Variants in RNGTT observed in about 807,000 individuals in gnomAD.
RNGTT encodes the protein mRNA-capping enzyme.
RNGTT carries 33 observed loss-of-function variants against 79.3 expected under a neutral mutation model. The observed-to-expected ratio is 0.42, with a 90% CI of 0.32 to 0.56. RNGTT has a LOEUF of 0.56. RNGTT is among the 20% of genes least tolerant of loss of function. RNGTT has a pLI of 0.17. For synonymous variants in RNGTT, 222 were observed against 235.9 expected (o/e 0.94, Z 0.54); for missense variants, 497 against 739.1 (o/e 0.67, Z 3.80).
At chr6:88,883,681 C>T (rs574654803) in intron 8 of RNGTT, among the ~76,000 whole-genome samples, 1 of 151,854 alleles carries the variant, frequency 6.6e-6, no homozygotes, top group Non-Finnish European at 1.5e-5. Flanking sequence ...AAAATCAAAC[C>T]ATACAAATAT....
intron 14 of RNGTT, among the ~76,000 whole-genome samples, chr6:88,638,276 T>C (rs1773174622): frequency 6.6e-6 from 1 of 152,204 alleles, no homozygotes; most frequent in Non-Finnish European, 1.5e-5. Flanking sequence ...GGAAATCTCT[T>C]GTATTTATAG....
At chr6:88,860,658 A>T (rs568597536) in intron 8 of RNGTT, among the ~76,000 whole-genome samples, 1 of 152,236 alleles carries the variant, frequency 6.6e-6, no homozygotes, top group East Asian at 1.9e-4. Context: ...TGCATAAATT[A>T]GCCAAAGTTG....
intron 12 of RNGTT, among the ~76,000 whole-genome samples, chr6:88,787,664 A>G (rs1208535200): frequency 7.1e-6 from 1 of 141,804 alleles, no homozygotes; most frequent in Non-Finnish European, 1.5e-5. Flanking sequence ...CATTTCAAAA[A>G]CAAAAAAAAA....
intron 14 of RNGTT, among the ~76,000 whole-genome samples, chr6:88,632,536 GACACACAGAC>G (rs1158503729): frequency 0.037 from 3,636 of 98,348 alleles, 130 homozygotes; most frequent in African/African-American, 0.1. Context: ...CAGACACACA[GACACACAGAC>G]ACACACACAC....
At chr6:88,743,780 G>A (rs1716763572) in intron 13 of RNGTT, among the ~76,000 whole-genome samples, 1 of 151,994 alleles carries the variant, frequency 6.6e-6, no homozygotes, top group South Asian at 2.1e-4. Context: ...TAAACATGAG[G>A]GTATAAATCT....
chr6:88,661,694 C>T (rs1774192400), intron 14 of RNGTT, among the ~76,000 whole-genome samples: 1 of 151,986 alleles, frequency 6.6e-6, no homozygotes, highest in Non-Finnish European at 1.5e-5. Flanking sequence ...AAATTGCCAA[C>T]AAAAAAAGTC....
intron 8 of RNGTT, among the ~76,000 whole-genome samples, chr6:88,865,447 A>G (rs1001143630): frequency 3.9e-5 from 6 of 152,150 alleles, no homozygotes; most frequent in African/African-American, 1.2e-4. Flanking sequence ...AGAGAAAGAG[A>G]TAAGTGAACA....
chr6:88,673,966 T>C (rs972345387), intron 14 of RNGTT, among the ~76,000 whole-genome samples: 1 of 152,242 alleles, frequency 6.6e-6, no homozygotes. Flanking sequence ...TGAAACCTAT[T>C]AGGATTCCTG....
chr6:88,793,549 A>G (rs1779490934), intron 12 of RNGTT, among the ~76,000 whole-genome samples: 1 of 152,224 alleles, frequency 6.6e-6, no homozygotes, highest in Non-Finnish European at 1.5e-5. Flanking sequence ...TAAAAGATAT[A>G]AAAGTGAAAA....
intron 4 of RNGTT, among the ~76,000 whole-genome samples, chr6:88,922,269 G>C (rs2127950680): frequency 1.3e-5 from 2 of 151,760 alleles, no homozygotes; most frequent in South Asian, 4.2e-4. Context: ...ATATTTATGG[G>C]GTAGAGTGTG....
chr6:88,677,311 A>G (rs995862945), intron 14 of RNGTT, among the ~76,000 whole-genome samples: 31 of 149,774 alleles, frequency 2.1e-4, no homozygotes, highest in Non-Finnish European at 8.9e-5. Context: ...AAGGAAGGGC[A>G]GGAGGGGGAA....
intron 4 of RNGTT, among the ~76,000 whole-genome samples, chr6:88,921,713 A>C (rs1784170461): frequency 6.6e-6 from 1 of 151,964 alleles, no homozygotes; most frequent in Non-Finnish European, 1.5e-5. Context: ...ATTTTTTTTC[A>C]TCCTCCACCC....
chr6:88,959,320 C>G (rs759292937), intron 1 of RNGTT, among the ~76,000 whole-genome samples: 11 of 152,078 alleles, frequency 7.2e-5, no homozygotes, highest in Non-Finnish European at 1.2e-4. Context: ...TCCATGTAAC[C>G]AAAAACCACC....
intron 13 of RNGTT, among the ~76,000 whole-genome samples, chr6:88,768,522 C>A (rs933234578): frequency 1.3e-5 from 2 of 152,166 alleles, no homozygotes; most frequent in Non-Finnish European, 2.9e-5. Context: ...TTTGATAATG[C>A]ATAGTTTCTT....
intron 1 of RNGTT, among the ~76,000 whole-genome samples, chr6:88,961,594 G>A (rs780841049): frequency 1.1e-4 from 16 of 152,110 alleles, no homozygotes; most frequent in East Asian, 1.9e-4. Context: ...ATACCACCAC[G>A]CCATCATAGC....
At chr6:88,724,623 C>T (rs961608078) in intron 13 of RNGTT, among the ~76,000 whole-genome samples, 3 of 152,146 alleles carry the variant, frequency 2.0e-5, no homozygotes, top group African/African-American at 7.2e-5. Context: ...GAGCACATGA[C>T]CTAGATCCCT....
intron 12 of RNGTT, among the ~76,000 whole-genome samples, chr6:88,792,735 C>T (rs1247035781): frequency 1.3e-5 from 2 of 152,020 alleles, no homozygotes. Flanking sequence ...GTGGCCTAAA[C>T]TGAGGATAAA....
At chr6:88,758,593 G>A (rs1349378484) in intron 13 of RNGTT, among the ~76,000 whole-genome samples, 1 of 152,122 alleles carries the variant, frequency 6.6e-6, no homozygotes, top group Non-Finnish European at 1.5e-5. Context: ...TTTGTTTAAT[G>A]CTTCCTCATT....
intron 10 of RNGTT, 68 bp from the exon 11 acceptor site, chr6:88,844,589 C>T (rs933619699): frequency 3.1e-5 from 44 of 1,436,022 alleles, no homozygotes; most frequent in Non-Finnish European, 4.1e-5. Context: ...ATTATCAAGG[C>T]TGCCACAATG....
Sources: allele counts gnomAD v4.1 joint callset (sites outside exome capture counted in the v4.1 genomes callset), GRCh38; gene constraint gnomAD v4.1.1; transcripts MANE v1.5; gene names NCBI Gene and HGNC (gene_info 2026-07-23, HGNC 2026-07-21).